Variants in GALK2 observed in about 807,000 individuals in gnomAD.
The protein encoded by GALK2 is galactokinase 2.
A neutral mutation model predicts 52.4 loss-of-function variants in GALK2; 36 were observed. The ratio of observed to expected loss-of-function variants is 0.69; its 90% CI spans 0.53 to 0.91. The LOEUF is 0.91. Among genes scored for constraint, GALK2 ranks in the 40% least tolerant of loss-of-function variants. The pLI, the probability that GALK2 is intolerant of heterozygous loss-of-function variation, is 0.00. For missense variants in GALK2, 579 were observed against 559.1 expected, an observed-to-expected ratio of 1.04 and a Z score of -0.36; for synonymous variants, 176 against 199.1, an observed-to-expected ratio of 0.88 and a Z score of 0.98.
At chr15:49,361,283 G>A (rs1215056166) in intron 3 of GALK2, among the ~76,000 whole-genome samples, 1 of 151,980 alleles carries the variant, frequency 6.6e-6, no homozygotes, top group Admixed American at 6.6e-5. Context: ...GGTACATGTG[G>A]AGGTTTGTTA....
intron 2 of GALK2, among the ~76,000 whole-genome samples, chr15:49,205,548 G>A (rs1024438192): frequency 9.9e-5 from 15 of 151,998 alleles, no homozygotes; most frequent in Admixed American, 2.0e-4. Context: ...TTGTCTATTC[G>A]TGTCCTTAGC....
At chr15:49,164,292 C>A (rs1324587484) in intron 1 of GALK2, among the ~76,000 whole-genome samples, 1 of 151,400 alleles carries the variant, frequency 6.6e-6, no homozygotes, top group Non-Finnish European at 1.5e-5. Context: ...AGCCAATTGA[C>A]AACCAGTAGA....
At chr15:49,234,159 C>T (rs2090660194) in intron 3 of GALK2, among the ~76,000 whole-genome samples, 1 of 152,178 alleles carries the variant, frequency 6.6e-6, no homozygotes, top group Non-Finnish European at 1.5e-5. Flanking sequence ...TTAATTGATT[C>T]TCCCATTTCA....
At position 49,331,836 on chromosome 15, in the gene GALK2, C is replaced by T. The variant is rs769064358; in HGVS notation, c.*3677C>T. On this transcript the variant is annotated 3_prime_UTR_variant, in exon 10 of 10. Transcript: ENST00000560031. ...TTCACTTCATGAGGTTTCTTGGTAG[C>T]CTTTGCTTGGAGTCTAATCATGGAA... 6.2e-7 allele frequency: 1 copy of T among 1,609,262 alleles called. No individual in the cohort carries two copies. Among genetic ancestry groups the T allele is most frequent in the East Asian group, 2.2e-5 (1 of 44,822 alleles).
At chr15:49,227,629 C>T (rs1345000420) in intron 3 of GALK2, among the ~76,000 whole-genome samples, 1 of 151,834 alleles carries the variant, frequency 6.6e-6, no homozygotes, top group Non-Finnish European at 1.5e-5. Flanking sequence ...AATCTTTTTA[C>T]ATTCAATGTT....
chr15:49,197,726 A>T (rs1322215511), intron 1 of GALK2, among the ~76,000 whole-genome samples: 1 of 151,982 alleles, frequency 6.6e-6, no homozygotes, highest in African/African-American at 2.4e-5. Flanking sequence ...GGAATGCTCA[A>T]CCTGTAATTA....
rs1229344102 is a variant in GALK2, at chr15:49,328,288, A to G, written c.*129A>G. 3 of 1,439,604 alleles carry G rather than the reference A, an allele frequency of 2.1e-6. No homozygotes were observed. The highest frequency in any genetic ancestry group is 2.7e-6 in the Non-Finnish European group (3 of 1,099,022). 89.2% of individuals were successfully genotyped at this position (1,439,604 alleles called of 1,614,324 possible). A position where few individuals can be genotyped will look rare whatever the true frequency, so the allele number is the denominator to read the frequency against. On this transcript the variant is annotated 3_prime_UTR_variant, in exon 10 of 10. Transcript: ENST00000560031. ...AACGGTTGCTATTATATCAAGATATATTTTCAAAGAAATGGTTGAAAGCTC... is the reference window on the plus strand; with the variant it reads ...AACGGTTGCTATTATATCAAGATATGTTTTCAAAGAAATGGTTGAAAGCTC...
At chr15:49,282,653 G>A (rs2032863355) in intron 6 of GALK2, among the ~76,000 whole-genome samples, 1 of 152,086 alleles carries the variant, frequency 6.6e-6, no homozygotes, top group Non-Finnish European at 1.5e-5. Context: ...ACTCCTTTAG[G>A]CAGAGCAGAG....
intron 3 of GALK2, among the ~76,000 whole-genome samples, chr15:49,341,889 C>G (rs560281130): frequency 6.6e-6 from 1 of 152,006 alleles, no homozygotes; most frequent in South Asian, 2.1e-4. Context: ...ATTTTTATTC[C>G]AAGAGTATGG....
intron 1 of GALK2, among the ~76,000 whole-genome samples, chr15:49,160,611 T>C (rs1002594576): frequency 6.6e-6 from 1 of 152,038 alleles, no homozygotes; most frequent in African/African-American, 2.4e-5. Flanking sequence ...ACACCTGGAA[T>C]CCTAGCACTT....
chr15:49,334,834 GATAGAAGAAC>G (rs1476118043), downstream of GALK2, among the ~76,000 whole-genome samples: 1 of 152,158 alleles, frequency 6.6e-6, no homozygotes. Context: ...TGACAGCATG[GATAGAAGAAC>G]TGGACCCTGC....
intron 3 of GALK2, among the ~76,000 whole-genome samples, chr15:49,345,374 GT>G (rs2041319754): frequency 6.6e-6 from 1 of 152,182 alleles, no homozygotes; most frequent in Admixed American, 6.5e-5. Flanking sequence ...GCTGCATGAT[GT>G]TGGTGTTGAC....
intron 8 of GALK2, among the ~76,000 whole-genome samples, chr15:49,316,684 T>G (rs1162219208): frequency 6.6e-6 from 1 of 151,670 alleles, no homozygotes; most frequent in African/African-American, 2.4e-5. Context: ...TTAGTAGAAA[T>G]GTAAAAGTGC....
intron 1 of GALK2, among the ~76,000 whole-genome samples, chr15:49,159,340 C>G (rs549414840): frequency 1.3e-5 from 2 of 152,250 alleles, no homozygotes; most frequent in African/African-American, 4.8e-5. Context: ...CTTTGGGAAG[C>G]CGAGGCAGAC....
rs1249810669 is a variant in GALK2, at chr15:49,307,875, T to TG, written c.968-11729_968-11728insG. Among the ~76,000 whole-genome samples, 14 of 152,230 alleles carry TG rather than the reference T, an allele frequency of 9.2e-5. 1 individual carries two copies. The highest frequency in any genetic ancestry group is 9.2e-4 in the Admixed American group (14 of 15,284). ...TTTTATGTTGAAAGTGCATTTTTTT[T>TG]CATCAGCGAGTTTGCTTTTAAAATC... On this transcript the variant is annotated intron_variant, in intron 8 of 9. Coordinates refer to ENST00000560031, the MANE Select transcript of GALK2 (RefSeq NM_002044.4).
intron 2 of GALK2, among the ~76,000 whole-genome samples, chr15:49,210,774 T>C (rs1428568551): frequency 6.6e-6 from 1 of 152,052 alleles, no homozygotes; most frequent in East Asian, 1.9e-4. Flanking sequence ...CGAGATGTAG[T>C]CTCGCCCTGT....
intron 1 of GALK2, among the ~76,000 whole-genome samples, chr15:49,191,094 G>A (rs966339749): frequency 2.0e-5 from 3 of 152,102 alleles, no homozygotes; most frequent in Admixed American, 6.5e-5. Context: ...TGGGCTAAAC[G>A]GAGGTTGGTT....
Position 49,321,976 on chromosome 15 carries a change from ACT to A in GALK2, c.1169+2176_1169+2177del, listed in dbSNP as rs1440070053. Among the ~76,000 whole-genome samples, 137 of 150,236 alleles carry A rather than the reference ACT, an allele frequency of 9.1e-4. 2 individuals are homozygous for A. The highest frequency in any genetic ancestry group is 3.3e-3 in the African/African-American group (135 of 40,790). On this transcript the variant is annotated intron_variant, in intron 9 of 9. Coordinates refer to ENST00000560031, the MANE Select transcript of GALK2 (RefSeq NM_002044.4). The stretch of plus-strand genomic sequence containing the variant: ...TGGAAGTGAGGAAGCTTGGATTCCG[ACT>A]CTCTTTTCATTCTGAGCTCTGTGAG...
chr15:49,248,644 G>A (rs1437928750), intron 5 of GALK2, among the ~76,000 whole-genome samples: 1 of 152,200 alleles, frequency 6.6e-6, no homozygotes, highest in African/African-American at 2.4e-5. Context: ...TCAATTAAAA[G>A]AGATCCTCTG....
Sources: allele counts gnomAD v4.1 joint callset (sites outside exome capture counted in the v4.1 genomes callset), GRCh38; gene constraint gnomAD v4.1.1; transcripts MANE v1.5; gene names NCBI Gene and HGNC (gene_info 2026-07-23, HGNC 2026-07-21).